The following ZCCHC7 variants were observed in gnomAD, a reference collection of about 807,000 sequenced individuals.
The protein encoded by ZCCHC7 is zinc finger CCHC domain-containing protein 7.
Under a neutral mutation model 52.0 loss-of-function variants are expected in ZCCHC7, and 35 were observed. The ratio of observed to expected loss-of-function variants is 0.67; its 90% CI spans 0.51 to 0.89. ZCCHC7 has a LOEUF of 0.89. Ranked by LOEUF, ZCCHC7 falls within the 40% of genes least tolerant of loss-of-function variation. The pLI is 0.00. For missense variants in ZCCHC7, 574 were observed against 649.1 expected (o/e 0.88, Z 1.26); for synonymous variants, 217 against 221.5 (o/e 0.98, Z 0.18).
intron 5 of ZCCHC7, among the ~76,000 whole-genome samples, chr9:37,307,493 C>A (rs898578239): frequency 6.6e-6 from 1 of 152,096 alleles, no homozygotes; most frequent in African/African-American, 2.4e-5. Flanking sequence ...AAAGGGGTGT[C>A]TCTCATTCTC....
At chr9:37,192,697 TC>T (rs1344456742) in intron 2 of ZCCHC7, among the ~76,000 whole-genome samples, 1 of 152,180 alleles carries the variant, frequency 6.6e-6, no homozygotes, top group Admixed American at 6.5e-5. Context: ...GAAAAAGACA[TC>T]TACTGGAATC....
At chr9:37,171,450 G>A (rs1002695173) in intron 2 of ZCCHC7, among the ~76,000 whole-genome samples, 2 of 151,940 alleles carry the variant, frequency 1.3e-5, no homozygotes, top group Non-Finnish European at 2.9e-5. Context: ...TTATTTTTTG[G>A]TTAAGATACA....
intron 2 of ZCCHC7, among the ~76,000 whole-genome samples, chr9:37,299,699 G>A (rs1443542587): frequency 6.6e-6 from 1 of 152,220 alleles, no homozygotes; most frequent in Non-Finnish European, 1.5e-5. Flanking sequence ...GCAGGGACAA[G>A]AATTGCCTTA....
At chr9:37,139,727 T>C (rs550758965) in intron 2 of ZCCHC7, among the ~76,000 whole-genome samples, 1 of 151,972 alleles carries the variant, frequency 6.6e-6, no homozygotes, top group East Asian at 1.9e-4. Flanking sequence ...TTTGCTTAAA[T>C]ATACAATTAA....
chr9:37,123,826 A>C (rs1842427185), intron 1 of ZCCHC7, among the ~76,000 whole-genome samples: 1 of 152,224 alleles, frequency 6.6e-6, no homozygotes, highest in Admixed American at 6.5e-5. Context: ...GAGGCTAACA[A>C]TTCAATATAA....
intron 2 of ZCCHC7, among the ~76,000 whole-genome samples, chr9:37,145,890 G>A (rs1365933082): frequency 2.0e-5 from 3 of 151,760 alleles, no homozygotes; most frequent in Admixed American, 6.6e-5. Flanking sequence ...ATTAAAATAG[G>A]AATTATTTTG....
intron 2 of ZCCHC7, among the ~76,000 whole-genome samples, chr9:37,235,559 CTCCCT>C (rs918971149): frequency 3.0e-3 from 334 of 109,868 alleles, no homozygotes; most frequent in African/African-American, 7.9e-3. Context: ...CTCCCCTCCC[CTCCCT>C]TCCCTTCCCT....
At chr9:37,120,520 G>C (rs1842253663), upstream of ZCCHC7, 2 of 398,958 alleles carry the variant, frequency 5.0e-6, no homozygotes, top group East Asian at 3.6e-5. Context: ...CTTCCCTCCC[G>C]GGTCTGCGCG....
At chr9:37,289,352 T>C (rs1384474845) in intron 2 of ZCCHC7, among the ~76,000 whole-genome samples, 2 of 152,116 alleles carry the variant, frequency 1.3e-5, no homozygotes, top group African/African-American at 4.8e-5. Context: ...TGTTTCACCA[T>C]GTTGGCCCGG....
intron 2 of ZCCHC7, among the ~76,000 whole-genome samples, chr9:37,271,639 G>T (rs1403189549): frequency 6.6e-6 from 1 of 152,066 alleles, no homozygotes; most frequent in Non-Finnish European, 1.5e-5. Flanking sequence ...GCACAATCTC[G>T]GCTCACTGCA....
chr9:37,157,237 C>A (rs1482159166), intron 2 of ZCCHC7, among the ~76,000 whole-genome samples: 1 of 149,598 alleles, frequency 6.7e-6, no homozygotes, highest in Non-Finnish European at 1.5e-5. Flanking sequence ...GTGGCTCAGT[C>A]CTGTAGTGCC....
intron 2 of ZCCHC7, among the ~76,000 whole-genome samples, chr9:37,233,094 A>T (rs1825483376): frequency 6.6e-6 from 1 of 152,186 alleles, no homozygotes; most frequent in Non-Finnish European, 1.5e-5. Context: ...GGAAATACTT[A>T]TTTTCAAAGT....
intron 2 of ZCCHC7, among the ~76,000 whole-genome samples, chr9:37,143,761 C>T (rs1193252067): frequency 6.6e-5 from 10 of 151,084 alleles, no homozygotes; most frequent in African/African-American, 2.2e-4. Context: ...AAATTTAAGC[C>T]CTTACAAATT....
chr9:37,268,814 G>A (rs1827243899), intron 2 of ZCCHC7, among the ~76,000 whole-genome samples: 1 of 151,874 alleles, frequency 6.6e-6, no homozygotes, highest in Admixed American at 6.6e-5. Flanking sequence ...TTCTGAATAG[G>A]GTGCCATCAC....
At chr9:37,336,704 G>C (rs1401723029) in intron 6 of ZCCHC7, among the ~76,000 whole-genome samples, 1 of 151,630 alleles carries the variant, frequency 6.6e-6, no homozygotes, top group Non-Finnish European at 1.5e-5. Flanking sequence ...TGTATGGTTG[G>C]AAGATGTATA....
At chr9:37,155,156 C>G (rs965433385) in intron 2 of ZCCHC7, among the ~76,000 whole-genome samples, 2 of 152,148 alleles carry the variant, frequency 1.3e-5, no homozygotes, top group Admixed American at 1.3e-4. Context: ...GTCAGGAGAT[C>G]GAGACCATCC....
At chr9:37,265,640 A>G (rs1827070335) in intron 2 of ZCCHC7, among the ~76,000 whole-genome samples, 2 of 152,130 alleles carry the variant, frequency 1.3e-5, no homozygotes, top group African/African-American at 4.8e-5. Flanking sequence ...TCTTACCAAA[A>G]CATAATCTGT....
intron 2 of ZCCHC7, among the ~76,000 whole-genome samples, chr9:37,257,314 G>A (rs1826638790): frequency 6.6e-6 from 1 of 152,188 alleles, no homozygotes; most frequent in African/African-American, 2.4e-5. Context: ...TCTTGATTTA[G>A]GCAAGTGGAA....
chr9:37,230,845 G>A (rs954504454), intron 2 of ZCCHC7, among the ~76,000 whole-genome samples: 11 of 151,982 alleles, frequency 7.2e-5, no homozygotes, highest in African/African-American at 2.7e-4. Context: ...GTTCTATGTG[G>A]TGGAATAAGT....
Sources: allele counts gnomAD v4.1 joint callset (sites outside exome capture counted in the v4.1 genomes callset), GRCh38; gene constraint gnomAD v4.1.1; transcripts MANE v1.5; gene names NCBI Gene and HGNC (gene_info 2026-07-23, HGNC 2026-07-21).